DLG2: variants seen among roughly 807,000 people sequenced by gnomAD.
DLG2 encodes discs large MAGUK scaffold protein 2.
DLG2 carries 45 observed loss-of-function variants against 132.5 expected under a neutral mutation model. That is an observed-to-expected ratio of 0.34 (90% CI 0.27 to 0.44). DLG2 has a LOEUF of 0.44. Ranked by LOEUF, DLG2 falls within the 20% of genes least tolerant of loss-of-function variation. The pLI, the probability that DLG2 is intolerant of heterozygous loss-of-function variation, is 1.00. For missense variants in DLG2, 1,045 were observed against 1,196.9 expected, an observed-to-expected ratio of 0.87 and a Z score of 1.87; for synonymous variants, 424 against 419.6, an observed-to-expected ratio of 1.01 and a Z score of -0.13.
At chr11:84,374,246 T>G (rs974082552) in intron 7 of DLG2, among the ~76,000 whole-genome samples, 1 of 152,200 alleles carries the variant, frequency 6.6e-6, no homozygotes, top group African/African-American at 2.4e-5. Context: ...TCTCCAACTA[T>G]TCTCCTAACT....
At chr11:84,746,672 G>A (rs1412583042) in intron 6 of DLG2, among the ~76,000 whole-genome samples, 1 of 152,138 alleles carries the variant, frequency 6.6e-6, no homozygotes, top group Non-Finnish European at 1.5e-5. Flanking sequence ...TCCAGCCTGG[G>A]AATGAAGGCT....
rs2069604385 is a variant in DLG2 at position 85,095,632 on chromosome 11, A to G, written c.357+16029T>C. 2.6e-5 allele frequency among the ~76,000 whole-genome samples: 4 copies of G among 152,072 alleles called. No individual in the cohort carries two copies. The South Asian group carries it at 8.3e-4, about 32-fold the overall frequency. On this transcript the variant is annotated intron_variant, in intron 6 of 27. Coordinates refer to ENST00000376104, the MANE Select transcript of DLG2 (RefSeq NM_001142699.3). ...TCTTCACAGGCCAATTGACATCTCT[A>G]CTTTCATCTTAAAGACTCTTCAAAC...
At chr11:84,301,450 G>C (rs866284006) in intron 7 of DLG2, among the ~76,000 whole-genome samples, 1 of 151,932 alleles carries the variant, frequency 6.6e-6, no homozygotes, top group African/African-American at 2.4e-5. Flanking sequence ...GAAGTCAGGA[G>C]ATCGAGACCA....
At chr11:84,875,365 C>A (rs1354169722) in intron 6 of DLG2, among the ~76,000 whole-genome samples, 1 of 151,932 alleles carries the variant, frequency 6.6e-6, no homozygotes, top group Non-Finnish European at 1.5e-5. Context: ...AGAAATTATC[C>A]CACCTTGGGA....
chr11:84,473,219 T>G (rs1480837787), intron 7 of DLG2, among the ~76,000 whole-genome samples: 1 of 151,678 alleles, frequency 6.6e-6, no homozygotes, highest in Non-Finnish European at 1.5e-5. Context: ...GAAGGGGGGG[T>G]TTCTCTAAGA....
chr11:83,679,365 T>C (rs1041347821), intron 18 of DLG2, among the ~76,000 whole-genome samples: 2 of 152,196 alleles, frequency 1.3e-5, no homozygotes, highest in Non-Finnish European at 2.9e-5. Flanking sequence ...TCTGGCCTAG[T>C]TGTTATTTGG....
At chr11:83,933,571 C>T (rs1340809727) in intron 14 of DLG2, among the ~76,000 whole-genome samples, 1 of 152,196 alleles carries the variant, frequency 6.6e-6, no homozygotes, top group African/African-American at 2.4e-5. Flanking sequence ...TCTCTGAACT[C>T]CATTAGCACT....
At chr11:84,398,597 T>C (rs1029321070) in intron 7 of DLG2, among the ~76,000 whole-genome samples, 4 of 152,208 alleles carry the variant, frequency 2.6e-5, no homozygotes, top group Non-Finnish European at 5.9e-5. Context: ...AAACCTCTGT[T>C]CATGTTAAGA....
At chr11:84,155,456 T>C (rs967968854) in intron 9 of DLG2, among the ~76,000 whole-genome samples, 3 of 151,248 alleles carry the variant, frequency 2.0e-5, no homozygotes, top group Admixed American at 1.3e-4. Context: ...CCCAGCTATA[T>C]CTAGTCAGCC....
At chr11:85,466,193 G>A (rs1033635146) in intron 3 of DLG2, among the ~76,000 whole-genome samples, 3 of 152,176 alleles carry the variant, frequency 2.0e-5, no homozygotes, top group Non-Finnish European at 4.4e-5. Flanking sequence ...TTCACTGTAT[G>A]TAGATTCTGG....
intron 7 of DLG2, among the ~76,000 whole-genome samples, chr11:84,387,552 C>T (rs767020245): frequency 2.0e-5 from 3 of 152,144 alleles, no homozygotes; most frequent in Non-Finnish European, 4.4e-5. Context: ...CATAACTGCT[C>T]AATAGTAGGC....
intron 4 of DLG2, among the ~76,000 whole-genome samples, chr11:85,169,365 G>T (rs1337963286): frequency 6.6e-6 from 1 of 152,038 alleles, no homozygotes; most frequent in East Asian, 1.9e-4. Flanking sequence ...GTTCCAGTTT[G>T]CTAAAATAAA....
At chr11:84,509,705 T>C (rs1231487007) in intron 7 of DLG2, among the ~76,000 whole-genome samples, 1 of 152,124 alleles carries the variant, frequency 6.6e-6, no homozygotes, top group African/African-American at 2.4e-5. Flanking sequence ...ATGTTTAAAA[T>C]GACAAAATAG....
intron 3 of DLG2, among the ~76,000 whole-genome samples, chr11:85,495,341 C>T (rs2093646428): frequency 6.6e-6 from 1 of 152,088 alleles, no homozygotes; most frequent in Admixed American, 6.6e-5. Context: ...TAGAAGTGAA[C>T]AGGCAACCTA....
In DLG2 at chr11:85,459,010, C is replaced by T. The variant is rs573047126; in HGVS notation, c.40+139647G>A. ...AGTGCAATTGGCCCTGGATGGGGCA[C>T]CTGTGCTTTGGGCTCAAGCTAGGAA... On this transcript the variant is annotated intron_variant, in intron 3 of 27. Transcript: ENST00000376104. 4.6e-5 allele frequency among the ~76,000 whole-genome samples: 7 copies of T among 152,268 alleles called. 1 individual carries two copies. The highest frequency in any genetic ancestry group is 3.9e-4 in the Admixed American group (6 of 15,300).
chr11:84,173,083 A>T (rs2095860478), intron 8 of DLG2, among the ~76,000 whole-genome samples: 1 of 152,224 alleles, frequency 6.6e-6, no homozygotes, highest in African/African-American at 2.4e-5. Context: ...TATATGCATA[A>T]AATAATCATT....
chr11:84,264,882 C>A (rs1052388669), intron 7 of DLG2, among the ~76,000 whole-genome samples: 1 of 152,184 alleles, frequency 6.6e-6, no homozygotes, highest in Admixed American at 6.5e-5. Context: ...GCTTCTAGGA[C>A]TGGCTGTGGC....
chr11:83,457,079 C>T lies in DLG2; in HGVS notation c.*2739G>A, dbSNP rs776997044. The T allele has an allele frequency of 2.0e-5, 3 of 152,624 alleles. No homozygotes were observed. In the East Asian group the frequency reaches 5.8e-4, roughly 29 times the overall value. 9.5% of individuals were successfully genotyped at this position (152,624 alleles called of 1,614,324 possible). A position where few individuals can be genotyped will look rare whatever the true frequency, so the allele number is the denominator to read the frequency against. ...AGCATGAAAAATAGCACCAGTTACA[C>T]GATCTGGCACTTTTCTGAAAGGGCC... On this transcript the variant is annotated 3_prime_UTR_variant, in exon 28 of 28. Coordinates refer to ENST00000376104, the MANE Select transcript of DLG2 (RefSeq NM_001142699.3).
intron 3 of DLG2, among the ~76,000 whole-genome samples, chr11:85,487,462 A>G (rs776853054): frequency 1.3e-5 from 2 of 151,692 alleles, no homozygotes; most frequent in South Asian, 2.1e-4. Flanking sequence ...AAATTTTACC[A>G]AAAAGATAGG....
Sources: gnomAD v4.1 joint callset for allele counts (sites outside exome capture counted in the v4.1 genomes callset) on GRCh38, gnomAD v4.1.1 for gene constraint, MANE v1.5 for transcripts, NCBI Gene and HGNC (gene_info 2026-07-23, HGNC 2026-07-21) for gene names.